REV3L: variants seen among roughly 807,000 people sequenced by gnomAD.
REV3L encodes DNA polymerase zeta catalytic subunit.
REV3L carries 69 observed loss-of-function variants against 299.4 expected under a neutral mutation model. The observed-to-expected ratio is 0.23, with a 90% CI of 0.19 to 0.28. REV3L has a LOEUF of 0.28. REV3L is among the 10% of genes least tolerant of loss of function. The pLI, the probability that REV3L is intolerant of heterozygous loss-of-function variation, is 1.00. For synonymous variants in REV3L, 1,238 were observed against 1,271.4 expected, an observed-to-expected ratio of 0.97 and a Z score of 0.56; for missense variants, 3,128 against 3,693.8, an observed-to-expected ratio of 0.85 and a Z score of 3.97.
chr6:111,343,422 G>C (rs1014667221), intron 21 of REV3L, among the ~76,000 whole-genome samples: 8 of 152,220 alleles, frequency 5.3e-5, no homozygotes, highest in African/African-American at 1.9e-4. Context: ...TGACTGCAAA[G>C]CTGTAGAAGG....
intron 1 of REV3L, among the ~76,000 whole-genome samples, chr6:111,479,309 TTTGA>T (rs1583152742): frequency 6.6e-6 from 1 of 152,316 alleles, no homozygotes; most frequent in Admixed American, 6.5e-5. Context: ...TACTGCTCAA[TTTGA>T]TTATGTCAAA....
intron 27 of REV3L, among the ~76,000 whole-genome samples, chr6:111,314,982 C>G (rs1582470200): frequency 6.6e-6 from 1 of 151,526 alleles, no homozygotes; most frequent in Non-Finnish European, 1.5e-5. Context: ...TCTGGAACAG[C>G]TGGGACTACA....
At position 111,416,306 on chromosome 6, in the gene REV3L, G is replaced by C; in HGVS notation, c.306C>G (p.Phe102Leu). Reference sequence around the variant, plus strand: ...ACATTCCTGATACTAATGACACTTTGAACACATGCTGAGCAGTGGAAGATG... The same window carrying C: ...ACATTCCTGATACTAATGACACTTTCAACACATGCTGAGCAGTGGAAGATG... ...GNPSSTAQHV[F>L]KVSLVSGMPF... The change falls in exon 2 of 32, where the codon TTC becomes TTG. Residue 102 changes from phenylalanine to leucine, a missense_variant. By Grantham distance (22) the Phe-to-Leu change is conservative. Around this residue, in one of 9 missense-constraint regions of REV3L, gnomAD observed 2,409 missense variants for 2,611.8 expected, o/e 0.92. Coordinates refer to ENST00000368802, the MANE Select transcript of REV3L (RefSeq NM_001372078.1). The C allele has an allele frequency of 6.2e-7, 1 of 1,612,534 alleles. No homozygotes were observed. Among genetic ancestry groups the C allele is most frequent in the East Asian group, 2.2e-5 (1 of 44,848 alleles).
intron 1 of REV3L, among the ~76,000 whole-genome samples, chr6:111,454,705 T>C (rs1789968905): frequency 6.6e-6 from 1 of 152,166 alleles, no homozygotes; most frequent in Non-Finnish European, 1.5e-5. Flanking sequence ...TCGCTCTTGT[T>C]GCCCAGGCTG....
chr6:111,322,276 T>C (rs974079493), intron 26 of REV3L, among the ~76,000 whole-genome samples: 21 of 152,210 alleles, frequency 1.4e-4, no homozygotes, highest in African/African-American at 5.1e-4. Context: ...TTTCTTTAAA[T>C]AAACTAGACT....
intron 9 of REV3L, 122 bp downstream of exon 9, chr6:111,387,643 G>T: frequency 1.1e-6 from 1 of 899,472 alleles, no homozygotes; most frequent in Non-Finnish European, 1.7e-6. Context: ...AGAAATTTTT[G>T]CTATATCCAC....
At chr6:111,329,785 T>G (rs1267121183) in intron 24 of REV3L, 47 bp from the exon 25 acceptor site, 1 of 1,384,906 alleles carries the variant, frequency 7.2e-7, no homozygotes, top group East Asian at 2.4e-5. Context: ...ACATTATAGA[T>G]TTACATAATT....
intron 30 of REV3L, 21 bp downstream of exon 30, chr6:111,309,832 T>G: frequency 6.2e-7 from 1 of 1,609,634 alleles, no homozygotes; most frequent in Non-Finnish European, 8.5e-7. Flanking sequence ...TTAGAGCACA[T>G]GTACTATTTG....
At chr6:111,310,808 T>A (rs1210155069) in intron 29 of REV3L, 1 of 358,552 alleles carries the variant, frequency 2.8e-6, no homozygotes, top group East Asian at 4.3e-5. Flanking sequence ...ACCTAGTGAT[T>A]TTGATGTGGG....
chr6:111,324,192 T>G (rs1774492917), intron 25 of REV3L, among the ~76,000 whole-genome samples: 2 of 152,150 alleles, frequency 1.3e-5, no homozygotes, highest in Admixed American at 1.3e-4. Context: ...TAGACAGGGT[T>G]TTGCCATGAT....
At chr6:111,427,805 A>T (rs1786364036) in intron 1 of REV3L, among the ~76,000 whole-genome samples, 1 of 152,218 alleles carries the variant, frequency 6.6e-6, no homozygotes, top group Non-Finnish European at 1.5e-5. Context: ...ATAATCCCTG[A>T]AAACCACCAG....
At chr6:111,464,905 G>A (rs958350897) in intron 1 of REV3L, among the ~76,000 whole-genome samples, 1 of 151,866 alleles carries the variant, frequency 6.6e-6, no homozygotes, top group African/African-American at 2.4e-5. Flanking sequence ...GGGAGGCTGA[G>A]GCAGAAGAAT....
intron 30 of REV3L, 98 bp from the exon 31 acceptor site, chr6:111,307,668 C>T (rs113527079): frequency 1.1e-5 from 12 of 1,101,130 alleles, no homozygotes; most frequent in Middle Eastern, 2.0e-4. Context: ...TTCATTCATT[C>T]GTTCATTCAC....
At chr6:111,443,888 G>A (rs1380060017) in intron 1 of REV3L, among the ~76,000 whole-genome samples, 1 of 152,130 alleles carries the variant, frequency 6.6e-6, no homozygotes, top group African/African-American at 2.4e-5. Context: ...TGACTTTAAT[G>A]GTGTAGGCCA....
Position 111,375,005 on chromosome 6 carries a change from C to T in REV3L, c.3350G>A (p.Ser1117Asn). 6.2e-7 allele frequency: 1 copy of T among 1,613,268 alleles called. No individual in the cohort carries two copies. The highest frequency in any genetic ancestry group is 8.5e-7 in the Non-Finnish European group (1 of 1,179,706). The change falls in exon 13 of 32, where the codon AGC becomes AAC. Residue 1117 changes from serine to asparagine, a missense_variant. Coordinates refer to ENST00000368802, the MANE Select transcript of REV3L (RefSeq NM_001372078.1). ...MSKLGFLSER[S>N]TSPINSSPPR... ...TGGAGAAGAATTTATGGGACTTGTG[C>T]TTCTCTCAGAAAGAAAACCTAGTTT...
At chr6:111,475,972 C>T (rs1466475195) in intron 1 of REV3L, among the ~76,000 whole-genome samples, 1 of 152,102 alleles carries the variant, frequency 6.6e-6, no homozygotes, top group East Asian at 1.9e-4. Flanking sequence ...TCTTCTTTTC[C>T]CTACTCATAA....
In REV3L at chr6:111,381,373, G is replaced by A; in HGVS notation, c.1168C>T (p.Gln390Ter). ...EAILNLMENS[Q>*]TFQPLTQRLS... Reference sequence around the variant, plus strand: ...CTTTGGGTCAAAGGCTGAAAAGTCTGACTATTTTCCATAAGGTTCAAAATT... The same window carrying A: ...CTTTGGGTCAAAGGCTGAAAAGTCTAACTATTTTCCATAAGGTTCAAAATT... The change falls in exon 10 of 32, where the codon CAG (glutamine) becomes TAG (stop). Residue 390 changes from glutamine (Q) to a stop codon, truncating the protein, a stop_gained. Transcript: ENST00000368802. LOFTEE classifies it high-confidence loss of function. 1 of 1,613,594 alleles carries A rather than the reference G, an allele frequency of 6.2e-7. No homozygotes were observed.
At chr6:111,483,634 C>T, upstream of REV3L, 1 of 432,154 alleles carries the variant, frequency 2.3e-6, no homozygotes, top group Non-Finnish European at 4.6e-6. Context: ...GCAGAGGAGG[C>T]GGGGGCAGCC....
At position 111,374,458 on chromosome 6, in the gene REV3L, G is replaced by C. The variant is rs745365636; in HGVS notation, c.3897C>G (p.Phe1299Leu). Residue 1299 changes from phenylalanine to leucine, a missense_variant, in exon 13 of 32, where the codon TTC becomes TTG. By Grantham distance (22) the Phe-to-Leu change is conservative (BLOSUM62 0). Around this residue, in one of 9 missense-constraint regions of REV3L, gnomAD observed 2,409 missense variants for 2,611.8 expected, o/e 0.92. Transcript: ENST00000368802. ...AATCTACAGACTTCTTGCTTTCTAAGAAAGAAGAAAAGCAGCCAGATAACT... is the reference window on the plus strand; with the variant it reads ...AATCTACAGACTTCTTGCTTTCTAACAAAGAAGAAAAGCAGCCAGATAACT... Reference protein sequence around the residue: ...QQKLSGCFSSFLESKKSVDLQ... With the variant: ...QQKLSGCFSSLLESKKSVDLQ... 3 of 1,613,956 alleles carry C rather than the reference G, an allele frequency of 1.9e-6. No individual in the cohort carries two copies. Among genetic ancestry groups the C allele is most frequent in the African/African-American group, 2.7e-5 (2 of 75,026 alleles).
Sources: allele counts gnomAD v4.1 joint callset (sites outside exome capture counted in the v4.1 genomes callset), GRCh38; gene constraint gnomAD v4.1.1; regional missense constraint gnomAD v4.1.1; transcripts MANE v1.5; gene names NCBI Gene and HGNC (gene_info 2026-07-23, HGNC 2026-07-21).